UBE2G1: variants seen among roughly 807,000 people sequenced by gnomAD.
The protein encoded by UBE2G1 is ubiquitin-conjugating enzyme E2 G1.
Under a neutral mutation model 22.7 loss-of-function variants are expected in UBE2G1, and 5 were observed. That is an observed-to-expected ratio of 0.22 (90% CI 0.12 to 0.46). The LOEUF (loss-of-function observed/expected upper bound fraction) is 0.46. UBE2G1 is among the 20% of genes least tolerant of loss of function. The pLI is 0.99. For synonymous variants in UBE2G1, 74 were observed against 67.5 expected, an observed-to-expected ratio of 1.10 and a Z score of -0.47; for missense variants, 88 against 203.9, an observed-to-expected ratio of 0.43 and a Z score of 3.46.
intron 2 of UBE2G1, among the ~76,000 whole-genome samples, chr17:4,304,654 C>T (rs1969227845): frequency 6.7e-6 from 1 of 150,222 alleles, no homozygotes; most frequent in Admixed American, 6.6e-5. Context: ...GAGAGATAAT[C>T]ACAGCAGCTT....
At position 4,311,344 on chromosome 17, in the gene UBE2G1, C is replaced by T. The variant is rs1567520741; in HGVS notation, c.47-4221G>A. ...AGGTATATACCCTAACATCTGTCCACACAGCAAGTTGTACATGAATGTCTG... is the reference window on the plus strand; with the variant it reads ...AGGTATATACCCTAACATCTGTCCATACAGCAAGTTGTACATGAATGTCTG... On this transcript the variant is annotated intron_variant, in intron 1 of 5. Transcript: ENST00000396981. 2.0e-5 allele frequency among the ~76,000 whole-genome samples: 3 copies of T among 152,310 alleles called. No individual in the cohort carries two copies. The East Asian group carries it at 5.8e-4, about 29-fold the overall frequency.
At chr17:4,366,085 C>T (rs1216242458) in intron 1 of UBE2G1, among the ~76,000 whole-genome samples, 186 bp downstream of exon 1, 1 of 152,158 alleles carries the variant, frequency 6.6e-6, no homozygotes, top group Non-Finnish European at 1.5e-5. Context: ...GTCCCCGCCC[C>T]CAGTGCCCTC....
intron 1 of UBE2G1, among the ~76,000 whole-genome samples, chr17:4,337,427 T>C (rs1292715669): frequency 6.7e-6 from 1 of 150,370 alleles, no homozygotes; most frequent in Non-Finnish European, 1.5e-5. Context: ...TCGAGGCAGG[T>C]GGATCACCTG....
chr17:4,365,644 C>G (rs1456459055), intron 1 of UBE2G1, among the ~76,000 whole-genome samples: 1 of 152,072 alleles, frequency 6.6e-6, no homozygotes, highest in Admixed American at 6.5e-5. Flanking sequence ...AGCCGGAGCC[C>G]GTGCCAGGCG....
In UBE2G1 at chr17:4,270,752, T is replaced by C. The variant is rs1968747319; in HGVS notation, c.*1802A>G. 6.6e-6 allele frequency: 1 copy of C among 152,098 alleles called. No homozygotes were observed. The highest frequency in any genetic ancestry group is 1.5e-5 in the Non-Finnish European group (1 of 68,024). The allele number at this position is 152,098 out of a possible 1,614,324, so 9.4% of individuals were successfully genotyped here. On this transcript the variant is annotated 3_prime_UTR_variant, in exon 6 of 6. Coordinates refer to ENST00000396981, the MANE Select transcript of UBE2G1 (RefSeq NM_003342.5). ...ACGAGTTTCTATAAGGTTTGTGGGT[T>C]TGTATAATGTTTACAGGTTTTTATA...
intron 5 of UBE2G1, among the ~76,000 whole-genome samples, chr17:4,276,340 A>ATT (rs898532644): frequency 4.8e-4 from 71 of 146,992 alleles, no homozygotes; most frequent in African/African-American, 1.8e-3. Flanking sequence ...GTACTGGCTA[A>ATT]TTTTTTTTTT....
chr17:4,284,834 C>CTTTTTTTTTTTTTTTTT (rs200271235), intron 4 of UBE2G1, among the ~76,000 whole-genome samples: 1 of 83,490 alleles, frequency 1.2e-5, no homozygotes, highest in Non-Finnish European at 2.3e-5. Context: ...CTTTTCTTTT[C>CTTTTTTTTTTTTTTTTT]TTTCTTTTTT....
chr17:4,361,530 A>G (rs1464331496), intron 1 of UBE2G1, among the ~76,000 whole-genome samples: 2 of 152,104 alleles, frequency 1.3e-5, no homozygotes, highest in Admixed American at 1.3e-4. Context: ...CCGTCTCAAA[A>G]AAATAAAAAT....
intron 5 of UBE2G1, among the ~76,000 whole-genome samples, chr17:4,279,640 T>C (rs1968859333): frequency 6.6e-6 from 1 of 151,946 alleles, no homozygotes; most frequent in African/African-American, 2.4e-5. Context: ...CCAGGTGCGG[T>C]GGCTCATGCC....
chr17:4,363,482 T>C (rs936340406), intron 1 of UBE2G1, among the ~76,000 whole-genome samples: 8 of 152,030 alleles, frequency 5.3e-5, no homozygotes, highest in African/African-American at 9.7e-5. Flanking sequence ...GCTATATACA[T>C]TGTCAAAAAA....
In UBE2G1 at chr17:4,277,364, G is replaced by A. The variant is rs1968832881; in HGVS notation, c.*38-4848C>T. 2.6e-5 allele frequency among the ~76,000 whole-genome samples: 4 copies of A among 152,172 alleles called. No homozygotes were observed. In the South Asian group the frequency reaches 8.3e-4, roughly 32 times the overall value. The stretch of plus-strand genomic sequence containing the variant: ...TCAAGCCACTAAGTTTTAGTAATTT[G>A]TTACGTAGCAATAAAGAACCAATAC... On this transcript the variant is annotated intron_variant, in intron 5 of 5. Coordinates refer to ENST00000396981, the MANE Select transcript of UBE2G1 (RefSeq NM_003342.5).
chr17:4,361,197 T>G (rs1969962432), intron 1 of UBE2G1, among the ~76,000 whole-genome samples: 1 of 151,486 alleles, frequency 6.6e-6, no homozygotes, highest in Non-Finnish European at 1.5e-5. Context: ...CACTCCAGAC[T>G]GGGTGACAGA....
chr17:4,348,958 GCA>G (rs1969813124), intron 1 of UBE2G1, among the ~76,000 whole-genome samples: 1 of 152,048 alleles, frequency 6.6e-6, no homozygotes. Flanking sequence ...GGAGGCCAAG[GCA>G]GGCAGATCAC....
chr17:4,282,770 A>G (rs1045808995), intron 5 of UBE2G1, 28 bp downstream of exon 5: 3 of 1,474,320 alleles, frequency 2.0e-6, no homozygotes, highest in Admixed American at 2.1e-5. Context: ...ACAAAAAAAC[A>G]AAAGTATGAT....
chr17:4,333,196 C>T (rs891066278), intron 1 of UBE2G1, among the ~76,000 whole-genome samples: 1 of 152,076 alleles, frequency 6.6e-6, no homozygotes, highest in Admixed American at 6.5e-5. Context: ...GACGCCAGAC[C>T]GTAAATTCCA....
intron 1 of UBE2G1, among the ~76,000 whole-genome samples, chr17:4,363,898 G>C (rs1969997717): frequency 7.3e-6 from 1 of 137,400 alleles, no homozygotes. Context: ...CTTGCAGTGA[G>C]CCGAGATTGC....
intron 4 of UBE2G1, among the ~76,000 whole-genome samples, chr17:4,285,809 G>T (rs568698943): frequency 6.6e-6 from 1 of 152,230 alleles, no homozygotes; most frequent in East Asian, 1.9e-4. Flanking sequence ...AAAATAGCTG[G>T]GCATGGTGGC....
chr17:4,352,943 G>A (rs1428909060), intron 1 of UBE2G1, among the ~76,000 whole-genome samples: 2 of 152,126 alleles, frequency 1.3e-5, no homozygotes, highest in Non-Finnish European at 2.9e-5. Context: ...GTGTGGCCGG[G>A]TACACTGGCT....
At chr17:4,275,536 T>C (rs11871948) in intron 5 of UBE2G1, among the ~76,000 whole-genome samples, 4,521 of 152,288 alleles carry the variant, frequency 0.03, 213 homozygotes, top group African/African-American at 0.1. Context: ...ATTCCATTTA[T>C]TAATATTTCT....
Sources: allele counts gnomAD v4.1 joint callset (sites outside exome capture counted in the v4.1 genomes callset), GRCh38; gene constraint gnomAD v4.1.1; transcripts MANE v1.5; gene names NCBI Gene and HGNC (gene_info 2026-07-23, HGNC 2026-07-21).